MIER1: variants seen among roughly 807,000 people sequenced by gnomAD.
MIER1 encodes the protein mesoderm induction early response protein 1.
A neutral mutation model predicts 75.7 loss-of-function variants in MIER1; 40 were observed. The observed-to-expected ratio is 0.53, with a 90% CI of 0.41 to 0.69. MIER1 has a LOEUF of 0.69. Ranked by LOEUF, MIER1 falls within the 30% of genes least tolerant of loss-of-function variation. The pLI is 0.00. For missense variants in MIER1, 574 were observed against 680.2 expected (o/e 0.84, Z 1.74); for synonymous variants, 213 against 223.4 (o/e 0.95, Z 0.42).
At chr1:66,956,793 A>G (rs1376317611) in intron 4 of MIER1, among the ~76,000 whole-genome samples, 1 of 152,270 alleles carries the variant, frequency 6.6e-6, no homozygotes, top group South Asian at 2.1e-4. Flanking sequence ...AATGGGAAAT[A>G]GAAGTTTTGG....
At chr1:66,976,311 G>A (rs1374731326) in intron 11 of MIER1, among the ~76,000 whole-genome samples, 1 of 152,228 alleles carries the variant, frequency 6.6e-6, no homozygotes, top group Non-Finnish European at 1.5e-5. Flanking sequence ...CAACTTCCAA[G>A]CATTTTTAAT....
chr1:66,963,439 T>C (rs1158150126), intron 8 of MIER1, among the ~76,000 whole-genome samples: 4 of 152,226 alleles, frequency 2.6e-5, no homozygotes, highest in Non-Finnish European at 5.9e-5. Context: ...TTTTTACTTT[T>C]TTCCCCGTAT....
intron 4 of MIER1, among the ~76,000 whole-genome samples, chr1:66,951,474 T>A (rs1273966589): frequency 6.6e-6 from 1 of 152,174 alleles, no homozygotes; most frequent in African/African-American, 2.4e-5. Context: ...TCAGCCAGCC[T>A]TCCTTTAGCT....
chr1:66,980,210 T>C (rs1297406062), intron 12 of MIER1, among the ~76,000 whole-genome samples: 2 of 152,214 alleles, frequency 1.3e-5, no homozygotes, highest in South Asian at 4.1e-4. Flanking sequence ...TGCTTCAAAT[T>C]TGTTATGTAA....
Position 66,976,676 on chromosome 1 carries a change from C to G in MIER1, c.1183C>G (p.Gln395Glu), listed in dbSNP as rs1664789666. The G allele has an allele frequency of 6.2e-7, 1 of 1,605,930 alleles. No individual in the cohort carries two copies. Among genetic ancestry groups the G allele is most frequent in the South Asian group, 1.1e-5 (1 of 89,326 alleles). Residue 395 changes from glutamine to glutamate, a missense_variant, in exon 12 of 14, where the codon CAA becomes GAA. Transcript: ENST00000401041. ...KSERYDFFAQ[Q>E]TRFGKKKYNL... ...TGAACGTTATGATTTCTTTGCTCAG[C>G]AAACACGATTTGGAAAGAAGAAATA...
intron 13 of MIER1, among the ~76,000 whole-genome samples, chr1:66,983,188 AATGTT>A (rs1666236728): frequency 6.6e-6 from 1 of 152,184 alleles, no homozygotes. Context: ...TTTTCATCCC[AATGTT>A]ATATTACTTT....
chr1:66,957,605 T>TC (rs1660416535), intron 4 of MIER1, among the ~76,000 whole-genome samples: 2 of 112,780 alleles, frequency 1.8e-5, no homozygotes, highest in East Asian at 2.6e-4. Context: ...TTTTTTTTTT[T>TC]TTCATGTGTT....
rs143168760 is a variant in MIER1 at position 66,982,388 on chromosome 1, A to G, written c.1369+470A>G. 6.0e-3 allele frequency among the ~76,000 whole-genome samples: 913 copies of G among 152,338 alleles called. 7 individuals are homozygous for G. The highest frequency in any genetic ancestry group is 0.02 in the African/African-American group (852 of 41,580). On this transcript the variant is annotated intron_variant, in intron 13 of 13. Transcript: ENST00000401041. ...ATGAGAAAAGATAAAGCCGGTATCA[A>G]CCTGTATATTAATATTCTACAGAAA...
At chr1:66,930,636 A>G (rs1432606900) in intron 2 of MIER1, among the ~76,000 whole-genome samples, 1 of 150,790 alleles carries the variant, frequency 6.6e-6, no homozygotes, top group Non-Finnish European at 1.5e-5. Context: ...TTTGAAGGGT[A>G]GTGCAGCGTA....
At chr1:66,948,292 G>A (rs1344513458) in intron 4 of MIER1, 1 of 870,154 alleles carries the variant, frequency 1.1e-6, no homozygotes, top group Non-Finnish European at 1.4e-6. Context: ...AAGACATAGT[G>A]CCAGTCTTTA....
Position 66,940,044 on chromosome 1 carries a change from C to G in MIER1, c.185C>G (p.Ser62Ter). Residue 62 changes from serine (S) to a stop codon, truncating the protein, a stop_gained, in exon 3 of 14, where the codon TCA becomes TGA. Coordinates refer to ENST00000401041, the MANE Select transcript of MIER1 (RefSeq NM_001077700.3). LOFTEE classifies it high-confidence loss of function. ...CCTTCTCAGCCATCTGTTGAATCTT[C>G]AAGTCCAGGTAAGTATTTTCCATAT... The part of the protein sequence containing the change: ...TDVMLPSVES[S>*]SPGGSATSDD... 6.2e-7 allele frequency: 1 copy of G among 1,605,108 alleles called. No homozygotes were observed. Among genetic ancestry groups the G allele is most frequent in the Non-Finnish European group, 8.5e-7 (1 of 1,172,698 alleles).
At chr1:66,972,177 A>G (rs936734365) in intron 10 of MIER1, among the ~76,000 whole-genome samples, 2 of 148,416 alleles carry the variant, frequency 1.3e-5, no homozygotes, top group African/African-American at 2.5e-5. Flanking sequence ...TCTTTTTTAT[A>G]CTATATCTGG....
At chr1:66,926,264 G>A in intron 2 of MIER1, 22 bp downstream of exon 2, 1 of 1,535,226 alleles carries the variant, frequency 6.5e-7, no homozygotes, top group Non-Finnish European at 9.0e-7. Context: ...TACACTTGGA[G>A]ATTAAGGGAG....
rs1281105685 is a variant in MIER1, at chr1:66,925,021, G to T, written c.-8G>T. ...CTCCCAGGCTCTGAGTCTCCCGGCT[G>T]CAGGCGGATGGATGGGGCTTCTTCA... On this transcript the variant is annotated 5_prime_UTR_variant, in exon 1 of 14. Coordinates refer to ENST00000401041, the MANE Select transcript of MIER1 (RefSeq NM_001077700.3). 1 of 1,546,148 alleles carries T rather than the reference G, an allele frequency of 6.5e-7. No homozygotes were observed. The highest frequency in any genetic ancestry group is 8.7e-7 in the Non-Finnish European group (1 of 1,145,248).
intron 4 of MIER1, among the ~76,000 whole-genome samples, chr1:66,950,213 A>T (rs59332340): frequency 0.018 from 2,773 of 152,158 alleles, 80 homozygotes; most frequent in African/African-American, 0.064. Flanking sequence ...GGTTCAAGCA[A>T]TTCGCCTGCC....
intron 12 of MIER1, among the ~76,000 whole-genome samples, 198 bp from the exon 13 acceptor site, chr1:66,981,581 T>C (rs770288518): frequency 6.6e-6 from 1 of 152,222 alleles, no homozygotes; most frequent in African/African-American, 2.4e-5. Flanking sequence ...AAAGCCGTTA[T>C]GCATTTTTCC....
Position 66,984,684 on chromosome 1 carries a change from G to A in MIER1, c.1482G>A (p.Met494Ile). 6.2e-7 allele frequency: 1 copy of A among 1,613,902 alleles called. No individual in the cohort carries two copies. The highest frequency in any genetic ancestry group is 8.5e-7 in the Non-Finnish European group (1 of 1,179,884). The change falls in exon 14 of 14, where the codon ATG (methionine) becomes ATA (isoleucine). Residue 494 changes from methionine to isoleucine, a missense_variant. Physicochemically the swap from Met to Ile is conservative, Grantham distance 10 (BLOSUM62 1). Transcript: ENST00000401041. ...ATAAGAAACCACTTCATGCAGATAT[G>A]GATACTAATGGTTATGAAACAGATA... The part of the protein sequence containing the change: ...GGNKKPLHAD[M>I]DTNGYETDNL...
At chr1:66,982,056 C>A in intron 13 of MIER1, 138 bp downstream of exon 13, 1 of 768,252 alleles carries the variant, frequency 1.3e-6, no homozygotes, top group Non-Finnish European at 2.1e-6. Context: ...ACAAACATAA[C>A]ATCAGCATAC....
intron 8 of MIER1, among the ~76,000 whole-genome samples, chr1:66,965,575 G>T (rs746809861): frequency 6.6e-6 from 1 of 152,138 alleles, no homozygotes; most frequent in African/African-American, 2.4e-5. Context: ...TACGTGAGAT[G>T]TCTTGATACA....
Sources: gnomAD v4.1 joint callset for allele counts (sites outside exome capture counted in the v4.1 genomes callset) on GRCh38, gnomAD v4.1.1 for gene constraint, MANE v1.5 for transcripts, NCBI Gene and HGNC (gene_info 2026-07-23, HGNC 2026-07-21) for gene names.